The following LPA variants were observed in gnomAD, a reference collection of about 807,000 sequenced individuals.
LPA encodes apolipoprotein(a).
A neutral mutation model predicts 197.9 loss-of-function variants in LPA; 199 were observed. That is an observed-to-expected ratio of 1.01 (90% CI 0.90 to 1.13). The LOEUF (loss-of-function observed/expected upper bound fraction) is 1.13, where lower values mean the gene tolerates loss of function less well. Among genes scored for constraint, LPA ranks in the 50% most tolerant of loss-of-function variants. The pLI, the probability that LPA is intolerant of heterozygous loss-of-function variation, is 0.00. For synonymous variants in LPA, 715 were observed against 639.5 expected (o/e 1.12, Z -1.78); for missense variants, 1,853 against 1,785.8 (o/e 1.04, Z -0.68).
chr6:160,564,693 C>T (rs575272554), intron 28 of LPA, among the ~76,000 whole-genome samples: 152 of 152,284 alleles, frequency 1.0e-3, no homozygotes, highest in African/African-American at 3.4e-3. Context: ...CGAAGCAAGG[C>T]GGGATATTGC....
At chr6:160,634,665 A>G (rs1159478849) in intron 7 of LPA, among the ~76,000 whole-genome samples, 1 of 151,534 alleles carries the variant, frequency 6.6e-6, no homozygotes, top group Non-Finnish European at 1.5e-5. Flanking sequence ...CCAGGACCAT[A>G]TGGAATTAAT....
chr6:160,620,439 CT>C (rs1779599119), intron 12 of LPA, among the ~76,000 whole-genome samples: 1 of 99,710 alleles, frequency 1.0e-5, no homozygotes, highest in South Asian at 3.3e-4. Context: ...TGGTATCTGG[CT>C]TCCAGTGTTT....
At chr6:160,553,937 C>CTCTGTGTGTGTGTGTGTGTG (rs372637630) in intron 30 of LPA, among the ~76,000 whole-genome samples, 2 of 139,066 alleles carry the variant, frequency 1.4e-5, no homozygotes, top group East Asian at 2.0e-4. Flanking sequence ...CTCTCTCTCT[C>CTCTGTGTGTGTGTGTGTGTG]TGTGTGTGTG....
chr6:160,532,468 C>T (rs1380402150), intron 38 of LPA, 63 bp downstream of exon 38: 6 of 1,322,168 alleles, frequency 4.5e-6, no homozygotes, highest in African/African-American at 2.9e-5. Flanking sequence ...TTGGGACTGA[C>T]GTCTAAGGGA....
At position 160,590,975 on chromosome 6, in the gene LPA, G is replaced by A; in HGVS notation, c.3756C>T (p.Val1252=). 2 of 1,613,976 alleles carry A rather than the reference G, an allele frequency of 1.2e-6. No homozygotes were observed. The highest frequency in any genetic ancestry group is 1.1e-5 in the South Asian group (1 of 91,070). Residue 1252 remains valine, a synonymous_variant, in exon 23 of 39, where the codon GTC becomes GTT. Coordinates refer to ENST00000316300, the MANE Select transcript of LPA (RefSeq NM_005577.4). ...LTQCPVTESS[V]LATSTAVSEQ... The stretch of plus-strand genomic sequence containing the variant: ...CAGAAACAGCCGTGGACGTCGCAAG[G>A]ACACTTGATTCTGTCACTGGACATT...
intron 28 of LPA, among the ~76,000 whole-genome samples, chr6:160,575,457 A>G (rs781672705): frequency 9.2e-5 from 14 of 152,228 alleles, no homozygotes; most frequent in Non-Finnish European, 1.5e-4. Context: ...TGGATGCCAG[A>G]TAACTGAGCA....
At chr6:160,600,304 C>A (rs1387769501) in intron 19 of LPA, among the ~76,000 whole-genome samples, 1 of 152,108 alleles carries the variant, frequency 6.6e-6, no homozygotes, top group East Asian at 1.9e-4. Context: ...TTTCTCCAGA[C>A]CCCCCGCAGG....
chr6:160,655,505 G>A (rs1582903968), intron 1 of LPA, among the ~76,000 whole-genome samples: 2 of 152,138 alleles, frequency 1.3e-5, no homozygotes, highest in Admixed American at 1.3e-4. Flanking sequence ...CGATAAATGG[G>A]CCAGAGTAAC....
chr6:160,580,824 T>C (rs1778780937), intron 26 of LPA, among the ~76,000 whole-genome samples: 2 of 152,234 alleles, frequency 1.3e-5, no homozygotes, highest in Admixed American at 6.5e-5. Context: ...TTGTCAGATA[T>C]ATGGATGAGA....
chr6:160,549,138 T>C (rs1304964868), intron 30 of LPA, among the ~76,000 whole-genome samples: 1 of 152,136 alleles, frequency 6.6e-6, no homozygotes, highest in African/African-American at 2.4e-5. Context: ...CTCACTGTCA[T>C]GAGAACAGCC....
chr6:160,603,852 T>A (rs1364297467), intron 18 of LPA, among the ~76,000 whole-genome samples: 6 of 152,116 alleles, frequency 3.9e-5, no homozygotes, highest in Non-Finnish European at 8.8e-5. Context: ...TTTCTAGAAA[T>A]TTACTAATTC....
At chr6:160,600,105 T>C (rs930860931) in intron 19 of LPA, among the ~76,000 whole-genome samples, 1 of 152,156 alleles carries the variant, frequency 6.6e-6, no homozygotes, top group South Asian at 2.1e-4. Flanking sequence ...CCTAGATGAT[T>C]GCTCAAAAAA....
chr6:160,575,181 A>G (rs1489059312), intron 28 of LPA, among the ~76,000 whole-genome samples: 1 of 152,088 alleles, frequency 6.6e-6, no homozygotes, highest in Non-Finnish European at 1.5e-5. Flanking sequence ...GTTTTCTTGA[A>G]TCTGTGAGCT....
intron 25 of LPA, 43 bp downstream of exon 25, chr6:160,586,406 C>T (rs1314901071): frequency 6.2e-7 from 1 of 1,608,140 alleles, no homozygotes. Context: ...ATCTTTTTAT[C>T]CCAATGTCCG....
intron 29 of LPA, among the ~76,000 whole-genome samples, chr6:160,556,817 C>T (rs1238300492): frequency 6.6e-6 from 1 of 152,116 alleles, no homozygotes; most frequent in African/African-American, 2.4e-5. Flanking sequence ...ATGCACGTTC[C>T]ATGAGAAGAA....
At chr6:160,585,594 G>T (rs1010989239) in intron 25 of LPA, among the ~76,000 whole-genome samples, 2 of 151,996 alleles carry the variant, frequency 1.3e-5, no homozygotes, top group Admixed American at 6.6e-5. Flanking sequence ...GGCTGTTAGT[G>T]GGGGGTATAC....
At chr6:160,655,872 A>T (rs1350175588) in intron 1 of LPA, among the ~76,000 whole-genome samples, 1 of 152,176 alleles carries the variant, frequency 6.6e-6, no homozygotes, top group Non-Finnish European at 1.5e-5. Flanking sequence ...TAAGATTATG[A>T]CACAAAGCTG....
At position 160,594,952 on chromosome 6, in the gene LPA, C is replaced by T. The variant is rs116385959; in HGVS notation, c.3469+402G>A. ...GACAGACTCAAAAACCGCATTCCTCCGAAACCGCAAAGCCAAAGATGCAAT... is the reference window on the plus strand; with the variant it reads ...GACAGACTCAAAAACCGCATTCCTCTGAAACCGCAAAGCCAAAGATGCAAT... On this transcript the variant is annotated intron_variant, in intron 21 of 38. Transcript: ENST00000316300. Among the ~76,000 whole-genome samples the T allele has an allele frequency of 2.7e-3, 413 of 152,180 alleles. 1 individual carries two copies. Among genetic ancestry groups the T allele is most frequent in the African/African-American group, 9.1e-3 (378 of 41,522 alleles).
At chr6:160,601,632 G>T (rs939186057) in intron 18 of LPA, among the ~76,000 whole-genome samples, 1 of 152,214 alleles carries the variant, frequency 6.6e-6, no homozygotes, top group African/African-American at 2.4e-5. Context: ...TCAAAATGTA[G>T]CCAAAAGGCT....
Sources: gnomAD v4.1 joint callset for allele counts (sites outside exome capture counted in the v4.1 genomes callset) on GRCh38, gnomAD v4.1.1 for gene constraint, MANE v1.5 for transcripts, NCBI Gene and HGNC (gene_info 2026-07-23, HGNC 2026-07-21) for gene names.